Variants in PCDHA3 observed in about 807,000 individuals in gnomAD.
The protein encoded by PCDHA3 is protocadherin alpha 3, also known as protocadherin alpha-3.
A neutral mutation model predicts 62.2 loss-of-function variants in PCDHA3; 41 were observed. The observed-to-expected ratio is 0.66, with a 90% confidence interval of 0.51 to 0.86. PCDHA3 has a LOEUF of 0.86. Ranked by LOEUF, PCDHA3 falls within the 40% of genes least tolerant of loss-of-function variation. The probability of loss-of-function intolerance (pLI) is 0.00; values close to 1 mark genes in which losing one functional copy is unlikely to be tolerated. For synonymous variants in PCDHA3, 640 were observed against 555.4 expected (o/e 1.15, Z -2.14); for missense variants, 1,304 against 1,241.2 (o/e 1.05, Z -0.76).
chr5:140,823,009 C>G, intron 1 of PCDHA3: 1 of 1,614,246 alleles, frequency 6.2e-7, no homozygotes, highest in Non-Finnish European at 8.5e-7. Context: ...GGACAGCGCC[C>G]TGGACCGCGA....
chr5:140,994,275 T>C (rs1296337913), intron 3 of PCDHA3, among the ~76,000 whole-genome samples: 1 of 152,156 alleles, frequency 6.6e-6, no homozygotes, highest in African/African-American at 2.4e-5. Flanking sequence ...AGGCTGCCTT[T>C]CTTGAGACAG....
intron 3 of PCDHA3, among the ~76,000 whole-genome samples, chr5:140,995,529 C>T (rs1191657600): frequency 6.6e-6 from 1 of 152,078 alleles, no homozygotes. Context: ...GAAATCAAAC[C>T]TCAAATAAGG....
intron 1 of PCDHA3, chr5:140,822,689 G>T: frequency 6.2e-7 from 1 of 1,609,690 alleles, no homozygotes; most frequent in South Asian, 1.1e-5. Flanking sequence ...AAAGTTAACG[G>T]GGAACTGGAT....
chr5:140,823,838 C>T (rs1767894388), intron 1 of PCDHA3: 2 of 1,613,824 alleles, frequency 1.2e-6, no homozygotes, highest in Middle Eastern at 1.7e-4. Flanking sequence ...GCTGTGGGTC[C>T]CGAGGCTGCC....
intron 1 of PCDHA3, among the ~76,000 whole-genome samples, chr5:140,806,756 G>C (rs1244483838): frequency 6.6e-6 from 1 of 152,118 alleles, no homozygotes; most frequent in African/African-American, 2.4e-5. Flanking sequence ...TGTATAGTTA[G>C]GTCTCTGTAA....
Position 140,808,806 on chromosome 5 carries a change from C to G in PCDHA3, c.2394+5215C>G, listed in dbSNP as rs1554124813. On this transcript the variant is annotated intron_variant, in intron 1 of 3. Coordinates refer to ENST00000522353, the MANE Select transcript of PCDHA3 (RefSeq NM_018906.3). ...CAGTTTCAGGTGACCGCTCGCGATG[C>G]CGGCGTGCCACCTCTGGGCAGCAAC... 6.2e-6 allele frequency: 10 copies of G among 1,612,650 alleles called. 2 individuals carry two copies. The South Asian group carries it at 9.9e-5, about 16-fold the overall frequency.
chr5:140,830,281 C>T, intron 1 of PCDHA3: 2 of 1,613,822 alleles, frequency 1.2e-6, no homozygotes, highest in Non-Finnish European at 1.7e-6. Flanking sequence ...CCACCGAGGG[C>T]GCGTGCACGG....
chr5:140,911,055 G>A lies in PCDHA3; in HGVS notation c.2395-67894G>A, dbSNP rs576580251. The stretch of plus-strand genomic sequence containing the variant: ...CTAGAAGCAAACAGGGGTGGTGGGG[G>A]GTGGGTCCTGAGGAGAATCAACATT... On this transcript the variant is annotated intron_variant, in intron 1 of 3. Transcript: ENST00000522353. 5.3e-5 allele frequency among the ~76,000 whole-genome samples: 8 copies of A among 152,158 alleles called. 1 individual carries two copies. The highest frequency in any genetic ancestry group is 5.2e-4 in the Admixed American group (8 of 15,266).
rs782186555 is a variant in PCDHA3 at position 140,803,059 on chromosome 5, C to T, written c.1862C>T (p.Pro621Leu). Residue 621 changes from proline to leucine, a missense_variant, in exon 1 of 4, where the codon CCG (proline) becomes CTG (leucine). Physicochemically the swap from Pro to Leu is moderately conservative, Grantham distance 98 (BLOSUM62 -3). Transcript: ENST00000522353. The stretch of plus-strand genomic sequence containing the variant: ...CCTGGGACCGGCGGTGCGCGCATCC[C>T]GTTTCGCGTGGGGCTGTACACGGGA... ...LQPGTGGARIPFRVGLYTGEI... is the reference protein window; with the variant it reads ...LQPGTGGARILFRVGLYTGEI... The T allele has an allele frequency of 3.1e-6, 5 of 1,613,996 alleles. No homozygotes were observed. The Middle Eastern group carries it at 4.9e-4, about 160-fold the overall frequency.
At chr5:140,891,499 C>T (rs896936552) in intron 1 of PCDHA3, among the ~76,000 whole-genome samples, 1 of 151,838 alleles carries the variant, frequency 6.6e-6, no homozygotes, top group South Asian at 2.1e-4. Flanking sequence ...ATATCCTCAG[C>T]TATAATGTTC....
intron 1 of PCDHA3, chr5:140,822,351 G>A (rs2150115751): frequency 9.9e-6 from 16 of 1,614,112 alleles, no homozygotes; most frequent in Non-Finnish European, 1.4e-5. Context: ...ACTTTTTAGA[G>A]CTGGTTTTGA....
At chr5:140,839,135 A>C (rs1378372841) in intron 1 of PCDHA3, among the ~76,000 whole-genome samples, 3 of 148,212 alleles carry the variant, frequency 2.0e-5, no homozygotes, top group African/African-American at 5.1e-5. Flanking sequence ...CATTCACATA[A>C]GCAGACCAAG....
chr5:140,856,398 A>G, intron 1 of PCDHA3: 1 of 1,598,482 alleles, frequency 6.3e-7, no homozygotes, highest in Non-Finnish European at 8.6e-7. Flanking sequence ...CAGGTTTTCC[A>G]TGTGGACGTG....
chr5:140,808,420 T>A (rs782362882), intron 1 of PCDHA3: 1 of 1,614,026 alleles, frequency 6.2e-7, no homozygotes, highest in African/African-American at 1.3e-5. Context: ...TGCTGGACAG[T>A]GCCCTGGACC....
chr5:140,876,466 G>C, intron 1 of PCDHA3: 1 of 1,614,018 alleles, frequency 6.2e-7, no homozygotes, highest in Non-Finnish European at 8.5e-7. Flanking sequence ...TTCCATGGCA[G>C]GTCACAGCAT....
intron 1 of PCDHA3, among the ~76,000 whole-genome samples, chr5:140,840,448 G>T (rs1381266800): frequency 1.3e-5 from 2 of 151,904 alleles, no homozygotes; most frequent in Non-Finnish European, 2.9e-5. Flanking sequence ...AAATAGAAAC[G>T]TTAAATAAAA....
chr5:140,841,934 G>T lies in PCDHA3; in HGVS notation c.2394+38343G>T, dbSNP rs1281777181. 5 of 1,613,780 alleles carry T rather than the reference G, an allele frequency of 3.1e-6. No individual in the cohort carries two copies. In the African/African-American group the frequency reaches 6.7e-5, roughly 22 times the overall value. ...AAGAAAATCCTTGGACAGAGAGGAC[G>T]CTCCTGCGCACCACTTATTCCTGAC... On this transcript the variant is annotated intron_variant, in intron 1 of 3. Transcript: ENST00000522353.
intron 1 of PCDHA3, chr5:140,858,328 G>A (rs782462952): frequency 3.1e-6 from 5 of 1,596,534 alleles, no homozygotes; most frequent in East Asian, 2.2e-5. Context: ...GTTCTGGGGA[G>A]GGCCTGCCCA....
At chr5:140,875,292 T>A in intron 1 of PCDHA3, 1 of 1,401,900 alleles carries the variant, frequency 7.1e-7, no homozygotes, top group Non-Finnish European at 9.3e-7. Flanking sequence ...ACAGGAAAAT[T>A]TTTTTCTCCG....
Sources: gnomAD v4.1 joint callset for allele counts (sites outside exome capture counted in the v4.1 genomes callset) on GRCh38, gnomAD v4.1.1 for gene constraint, MANE v1.5 for transcripts, NCBI Gene and HGNC (gene_info 2026-07-23, HGNC 2026-07-21) for gene names.